The following FRMPD4 variants were observed in gnomAD, a reference collection of about 807,000 sequenced individuals.
FRMPD4 encodes FERM and PDZ domain-containing protein 4.
In FRMPD4, 22 loss-of-function variants were observed where a neutral mutation model predicts 94.1. That is an observed-to-expected ratio of 0.23 (90% CI 0.17 to 0.33). The LOEUF (loss-of-function observed/expected upper bound fraction) is 0.33. FRMPD4 is among the 10% of genes least tolerant of loss of function. FRMPD4 has a pLI of 1.00. For missense variants in FRMPD4, 1,111 were observed against 1,339.9 expected, an observed-to-expected ratio of 0.83 and a Z score of 2.67; for synonymous variants, 631 against 548.6, an observed-to-expected ratio of 1.15 and a Z score of -2.10.
chrX:12,267,753 G>C (rs907837634), intron 1 of FRMPD4, among the ~76,000 whole-genome samples: 1 of 112,669 alleles, frequency 8.9e-6, no homozygotes, highest in Admixed American at 9.3e-5. Flanking sequence ...GAGGGGGAAA[G>C]GTTGATGCAG....
intron 2 of FRMPD4, among the ~76,000 whole-genome samples, chrX:12,598,452 C>T (rs987565676): frequency 9.0e-6 from 1 of 111,515 alleles, no homozygotes; most frequent in Non-Finnish European, 1.9e-5. Context: ...CTCTCTCTTC[C>T]CATCCTCATT....
intron 1 of FRMPD4, among the ~76,000 whole-genome samples, chrX:12,285,799 C>T (rs1312900668): frequency 4.5e-5 from 5 of 111,996 alleles, no homozygotes; most frequent in Admixed American, 2.8e-4. Flanking sequence ...GCCCCAATGC[C>T]GGGTGTATCT....
chrX:11,986,151 G>A (rs1396773225), intron 3 of FRMPD4, among the ~76,000 whole-genome samples: 1 of 112,387 alleles, frequency 8.9e-6, no homozygotes, highest in Non-Finnish European at 1.9e-5. Context: ...ATGGCCACAG[G>A]GATGCTTGTG....
intron 3 of FRMPD4, among the ~76,000 whole-genome samples, chrX:12,033,234 G>A (rs182435400): frequency 1.7e-3 from 188 of 111,818 alleles, no homozygotes; most frequent in African/African-American, 5.9e-3. Flanking sequence ...ACTAAATTAA[G>A]TGGAGAAAGA....
chrX:12,176,445 G>T (rs2056295942), intron 1 of FRMPD4, among the ~76,000 whole-genome samples: 1 of 111,386 alleles, frequency 9.0e-6, no homozygotes, highest in African/African-American at 3.3e-5. Flanking sequence ...TTTTATTGTG[G>T]CCGTATTTCC....
At chrX:12,317,889 T>C (rs1307011323) in intron 1 of FRMPD4, among the ~76,000 whole-genome samples, 1 of 112,007 alleles carries the variant, frequency 8.9e-6, no homozygotes, top group Non-Finnish European at 1.9e-5. Context: ...GAAAACAGGA[T>C]GGAGGTTCCT....
intron 1 of FRMPD4, among the ~76,000 whole-genome samples, chrX:12,400,544 A>AT (rs1452602489): frequency 8.9e-6 from 1 of 112,185 alleles, no homozygotes; most frequent in Non-Finnish European, 1.9e-5. Flanking sequence ...ATAAAGTGTG[A>AT]TTTTGAAAAT....
At chrX:12,618,087 A>G (rs1042538326) in intron 4 of FRMPD4, among the ~76,000 whole-genome samples, 8 of 111,890 alleles carry the variant, frequency 7.1e-5, no homozygotes, top group African/African-American at 2.6e-4. Flanking sequence ...TTTGAGGACT[A>G]AAATCTTTGA....
chrX:12,423,202 A>G (rs1303664521), intron 1 of FRMPD4, among the ~76,000 whole-genome samples: 2 of 110,124 alleles, frequency 1.8e-5, no homozygotes, highest in Admixed American at 9.8e-5. Flanking sequence ...TCGCGCCACT[A>G]CACGCCAGCC....
chrX:11,909,492 A>T (rs1261672249), intron 3 of FRMPD4, among the ~76,000 whole-genome samples: 4 of 110,230 alleles, frequency 3.6e-5, no homozygotes, highest in Non-Finnish European at 7.6e-5. Flanking sequence ...CTTCTCAATA[A>T]TGGTTTCATT....
intron 1 of FRMPD4, chrX:12,395,656 A>T: frequency 8.9e-6 from 1 of 112,268 alleles, no homozygotes; most frequent in Non-Finnish European, 1.9e-5. Context: ...TATCTACACT[A>T]AACTTAATAT....
chrX:12,533,047 C>T (rs1290288389), intron 2 of FRMPD4, among the ~76,000 whole-genome samples: 1 of 112,027 alleles, frequency 8.9e-6, no homozygotes, highest in Non-Finnish European at 1.9e-5. Flanking sequence ...TCAAAGGAAA[C>T]TGATATGGTT....
intron 3 of FRMPD4, among the ~76,000 whole-genome samples, chrX:12,064,571 A>G (rs1431334694): frequency 8.9e-6 from 1 of 111,862 alleles, no homozygotes; most frequent in East Asian, 2.8e-4. Context: ...CATGTTTTAA[A>G]TCTATTACTG....
intron 4 of FRMPD4, among the ~76,000 whole-genome samples, chrX:12,639,711 T>C (rs916684766): frequency 1.1e-4 from 12 of 111,727 alleles, no homozygotes; most frequent in Non-Finnish European, 2.2e-4. Flanking sequence ...TTAATATATG[T>C]GAGTATATAA....
intron 3 of FRMPD4, among the ~76,000 whole-genome samples, chrX:12,107,266 G>A (rs972396935): frequency 7.1e-5 from 8 of 112,045 alleles, no homozygotes; most frequent in African/African-American, 2.6e-4. Context: ...TGCAGCCTCC[G>A]CTGCTGATAC....
chrX:12,313,302 T>G, intron 1 of FRMPD4, among the ~76,000 whole-genome samples: 1 of 112,331 alleles, frequency 8.9e-6, no homozygotes, highest in African/African-American at 3.2e-5. Flanking sequence ...GTTTGTAGAT[T>G]TAGGGATGGA....
At chrX:12,544,785 T>C (rs758702665) in intron 2 of FRMPD4, among the ~76,000 whole-genome samples, 46 of 111,622 alleles carry the variant, frequency 4.1e-4, no homozygotes, top group Non-Finnish European at 6.0e-4. Flanking sequence ...CCTATGTACC[T>C]AGCTGCTACT....
At chrX:11,866,088 C>A (rs1010624208) in intron 2 of FRMPD4, among the ~76,000 whole-genome samples, 5 of 111,869 alleles carry the variant, frequency 4.5e-5, no homozygotes, top group Admixed American at 1.9e-4. Flanking sequence ...GCAGAAAAAG[C>A]TGAAGAAAGC....
chrX:12,558,970 G>A (rs1000939556), intron 2 of FRMPD4, among the ~76,000 whole-genome samples: 1 of 111,955 alleles, frequency 8.9e-6, no homozygotes, highest in African/African-American at 3.2e-5. Context: ...TATGTGTTAT[G>A]CTTGAATTTT....
Sources: allele counts gnomAD v4.1 joint callset (sites outside exome capture counted in the v4.1 genomes callset), GRCh38; gene constraint gnomAD v4.1.1; transcripts MANE v1.5; gene names NCBI Gene and HGNC (gene_info 2026-07-23, HGNC 2026-07-21).